MRAP2: variants seen among roughly 807,000 people sequenced by gnomAD.
MRAP2 encodes melanocortin 2 receptor accessory protein 2.
In MRAP2, 20 loss-of-function variants were observed where a neutral mutation model predicts 17.4. The ratio of observed to expected loss-of-function variants is 1.15; its 90% CI spans 0.81 to 1.67. The LOEUF is 1.67. MRAP2 is among the 40% of genes most tolerant of loss of function. The pLI is 0.00. For synonymous variants in MRAP2, 96 were observed against 88.4 expected (o/e 1.09, Z -0.48); for missense variants, 238 against 240.0 (o/e 0.99, Z 0.05).
intron 3 of MRAP2, among the ~76,000 whole-genome samples, chr6:84,081,813 A>G (rs771849591): frequency 6.6e-6 from 1 of 151,804 alleles, no homozygotes; most frequent in South Asian, 2.1e-4. Context: ...ACAAGACTCC[A>G]TCTTAAAAAT....
chr6:84,074,879 T>C (rs1030876742), intron 3 of MRAP2, among the ~76,000 whole-genome samples: 3 of 152,182 alleles, frequency 2.0e-5, no homozygotes, highest in African/African-American at 7.2e-5. Flanking sequence ...GGGTATTTTT[T>C]TCCCCTGAAT....
intron 1 of MRAP2, chr6:84,052,787 C>T (rs1331620807): frequency 2.0e-6 from 2 of 984,940 alleles, no homozygotes; most frequent in Non-Finnish European, 2.4e-6. Context: ...TGTAGGCTGG[C>T]TCTGGTATTC....
chr6:84,062,025 C>G (rs2099493299), intron 2 of MRAP2: 1 of 985,282 alleles, frequency 1.0e-6, no homozygotes, highest in Non-Finnish European at 1.2e-6. Flanking sequence ...TGTATGTTCT[C>G]TGCAAGAAGT....
chr6:84,069,488 A>T (rs575670911), intron 3 of MRAP2, among the ~76,000 whole-genome samples: 1 of 151,420 alleles, frequency 6.6e-6, no homozygotes, highest in South Asian at 2.1e-4. Context: ...TGTTGGACTC[A>T]GTTAGCTAGT....
the MRAP2 span, among the ~76,000 whole-genome samples, chr6:84,128,650 A>G: frequency 6.6e-6 from 1 of 152,148 alleles, no homozygotes; most frequent in Non-Finnish European, 1.5e-5. Context: ...ATCAAATAAA[A>G]TAAGGTATAT....
At chr6:84,106,294 G>A in the MRAP2 span, among the ~76,000 whole-genome samples, 16 of 152,330 alleles carry the variant, frequency 1.1e-4, 1 homozygote, top group South Asian at 3.3e-3. Context: ...TACGTCAGTG[G>A]TTGGTGGTTT....
the MRAP2 span, among the ~76,000 whole-genome samples, chr6:84,099,333 T>A: frequency 6.6e-6 from 1 of 152,154 alleles, no homozygotes; most frequent in Non-Finnish European, 1.5e-5. Context: ...TTAAATTTTT[T>A]TTACAATTCT....
At chr6:84,072,355 AG>A (rs1451217364) in intron 3 of MRAP2, among the ~76,000 whole-genome samples, 1 of 152,126 alleles carries the variant, frequency 6.6e-6, no homozygotes, top group Non-Finnish European at 1.5e-5. Context: ...TTCTGGGTCT[AG>A]CCACCCAGCA....
chr6:84,077,140 A>C (rs2099497839), intron 3 of MRAP2, among the ~76,000 whole-genome samples: 1 of 152,250 alleles, frequency 6.6e-6, no homozygotes, highest in Non-Finnish European at 1.5e-5. Context: ...AAGACCATAC[A>C]CAAAATAGCC....
the MRAP2 span, among the ~76,000 whole-genome samples, chr6:84,122,559 T>C: frequency 6.6e-6 from 1 of 152,014 alleles, no homozygotes; most frequent in Non-Finnish European, 1.5e-5. Context: ...CTCAACAAAC[T>C]AGGCTTTGAA....
the MRAP2 span, among the ~76,000 whole-genome samples, chr6:84,128,666 A>C: frequency 6.6e-6 from 1 of 152,044 alleles, no homozygotes; most frequent in Non-Finnish European, 1.5e-5. Flanking sequence ...TATATAAAAC[A>C]CTTTGCACAG....
chr6:84,127,984 G>A, the MRAP2 span, among the ~76,000 whole-genome samples: 1 of 152,166 alleles, frequency 6.6e-6, no homozygotes, highest in Admixed American at 6.5e-5. Context: ...GCACTTTACA[G>A]ATGTCTCATT....
chr6:84,064,879 C>T (rs1490205578), intron 3 of MRAP2, among the ~76,000 whole-genome samples: 1 of 152,206 alleles, frequency 6.6e-6, no homozygotes, highest in Admixed American at 6.5e-5. Context: ...CAGCCTCCGG[C>T]ATCTGTTGTT....
At chr6:84,094,223 T>G (rs559732666), downstream of MRAP2, among the ~76,000 whole-genome samples, 1 of 152,298 alleles carries the variant, frequency 6.6e-6, no homozygotes, top group South Asian at 2.1e-4. Context: ...AATACTCTTT[T>G]TGTTTCTTTT....
the MRAP2 span, among the ~76,000 whole-genome samples, chr6:84,116,343 T>A: frequency 6.6e-6 from 1 of 152,160 alleles, no homozygotes; most frequent in Non-Finnish European, 1.5e-5. Flanking sequence ...GTAAGTCTCA[T>A]GAGATCTGAT....
chr6:84,119,064 T>C, the MRAP2 span, among the ~76,000 whole-genome samples: 1 of 152,242 alleles, frequency 6.6e-6, no homozygotes, highest in Non-Finnish European at 1.5e-5. Flanking sequence ...TGTGATAATA[T>C]ACTGTTTTGA....
At chr6:84,033,756 C>G, upstream of MRAP2, 2 of 985,812 alleles carry the variant, frequency 2.0e-6, no homozygotes, top group Non-Finnish European at 2.4e-6. Flanking sequence ...TCCGCCGCAC[C>G]TCGGATCTAG....
chr6:84,125,530 G>A, the MRAP2 span, among the ~76,000 whole-genome samples: 2 of 152,064 alleles, frequency 1.3e-5, no homozygotes, highest in African/African-American at 4.8e-5. Flanking sequence ...TGTGGAGTAA[G>A]GAAATAATGA....
chr6:84,084,255 A>G (rs573628181), intron 3 of MRAP2, among the ~76,000 whole-genome samples: 6 of 152,120 alleles, frequency 3.9e-5, no homozygotes, highest in African/African-American at 1.2e-4. Context: ...TGACTAGTCA[A>G]TGTGGGTGAG....
Sources: allele counts gnomAD v4.1 joint callset (sites outside exome capture counted in the v4.1 genomes callset), GRCh38; gene constraint gnomAD v4.1.1; transcripts MANE v1.5; gene names NCBI Gene and HGNC (gene_info 2026-07-23, HGNC 2026-07-21).